Variants in RBFOX1 observed in about 807,000 individuals in gnomAD.
RBFOX1 encodes the protein RNA binding protein fox-1 homolog 1.
A neutral mutation model predicts 57.7 loss-of-function variants in RBFOX1; 8 were observed. The ratio of observed to expected loss-of-function variants is 0.14; its 90% CI spans 0.08 to 0.25. The LOEUF (loss-of-function observed/expected upper bound fraction) is 0.25. RBFOX1 is among the 10% of genes least tolerant of loss of function. RBFOX1 has a pLI of 1.00. For synonymous variants in RBFOX1, 326 were observed against 222.4 expected, an observed-to-expected ratio of 1.47 and a Z score of -4.15; for missense variants, 611 against 548.5, an observed-to-expected ratio of 1.11 and a Z score of -1.14.
intron 4 of RBFOX1, among the ~76,000 whole-genome samples, chr16:7,189,068 C>G (rs1298006116): frequency 1.3e-5 from 2 of 151,324 alleles, no homozygotes; most frequent in Non-Finnish European, 2.9e-5. Context: ...AAGGAATTCT[C>G]AATGGATAGA....
At chr16:6,552,545 C>T (rs1264123296) in intron 2 of RBFOX1, among the ~76,000 whole-genome samples, 1 of 152,174 alleles carries the variant, frequency 6.6e-6, no homozygotes, top group Non-Finnish European at 1.5e-5. Flanking sequence ...TACCTGTTAT[C>T]CCAGTGTTGT....
chr16:6,695,335 G>C (rs1450625263), intron 3 of RBFOX1, among the ~76,000 whole-genome samples: 2 of 142,534 alleles, frequency 1.4e-5, no homozygotes, highest in Non-Finnish European at 3.0e-5. Context: ...AGAATCGCTT[G>C]AACCCAACAG....
chr16:6,687,983 T>A (rs1194043942), intron 3 of RBFOX1, among the ~76,000 whole-genome samples: 1 of 152,206 alleles, frequency 6.6e-6, no homozygotes, highest in African/African-American at 2.4e-5. Flanking sequence ...ACAAAACCAC[T>A]CTTGGAAACA....
At position 7,662,658 on chromosome 16, in the gene RBFOX1, A is replaced by T. The variant is rs193126405; in HGVS notation, c.891-2271A>T. Among the ~76,000 whole-genome samples the T allele has an allele frequency of 3.9e-5, 6 of 152,318 alleles. No individual in the cohort carries two copies. In the East Asian group the frequency reaches 1.2e-3, roughly 29 times the overall value. ...AGGCAGAAATTGACGAGTGGCTCTGATAAGAGTCTGAAAAATGATGCTGGT... is the reference window on the plus strand; with the variant it reads ...AGGCAGAAATTGACGAGTGGCTCTGTTAAGAGTCTGAAAAATGATGCTGGT... On this transcript the variant is annotated intron_variant, in intron 12 of 15. Coordinates refer to ENST00000550418, the MANE Select transcript of RBFOX1 (RefSeq NM_018723.4).
intron 4 of RBFOX1, among the ~76,000 whole-genome samples, chr16:5,938,987 G>A (rs938846404): frequency 2.0e-5 from 3 of 152,008 alleles, no homozygotes; most frequent in Non-Finnish European, 4.4e-5. Flanking sequence ...GCAAACTATC[G>A]CAAGGACAAA....
At chr16:7,688,260 T>TGTGTGTGAGAGAGAGAGAGA (rs1319185243) in intron 14 of RBFOX1, among the ~76,000 whole-genome samples, 15 of 125,294 alleles carry the variant, frequency 1.2e-4, no homozygotes, top group African/African-American at 4.2e-4. Flanking sequence ...TGTGTGTGTG[T>TGTGTGTGAGAGAGAGAGAGA]GAGAGAGAGA....
Position 5,403,298 on chromosome 16 carries a change from C to T in RBFOX1, c.220-63918C>T, listed in dbSNP as rs867959196. Reference sequence around the variant, plus strand: ...CTGGGAGGTGGAGTTTGCGGTGTGCCGAGATCGTGCCATTGCACTCCAGTC... The same window carrying T: ...CTGGGAGGTGGAGTTTGCGGTGTGCTGAGATCGTGCCATTGCACTCCAGTC... On this transcript the variant is annotated intron_variant, in intron 1 of 2. Transcript: ENST00000585867. Among the ~76,000 whole-genome samples, 10 of 145,788 alleles carry T rather than the reference C, an allele frequency of 6.9e-5. No individual in the cohort carries two copies. In the Middle Eastern group the frequency reaches 0.012, roughly 174 times the overall value.
chr16:6,543,036 G>T (rs1312458945), intron 2 of RBFOX1, among the ~76,000 whole-genome samples: 1 of 152,014 alleles, frequency 6.6e-6, no homozygotes, highest in South Asian at 2.1e-4. Context: ...CCACACTATC[G>T]TTTGGCAGTA....
chr16:6,986,184 T>TTTATTTATTTA (rs752491485), intron 3 of RBFOX1, among the ~76,000 whole-genome samples: 97 of 144,222 alleles, frequency 6.7e-4, no homozygotes, highest in Non-Finnish European at 8.7e-4. Context: ...CAATTTCTAT[T>TTTATTTATTTA]TTTATTTATT....
intron 1 of RBFOX1, among the ~76,000 whole-genome samples, chr16:5,428,514 C>G (rs538399658): frequency 6.6e-6 from 1 of 152,112 alleles, no homozygotes; most frequent in Admixed American, 6.6e-5. Flanking sequence ...AAAAACAAGT[C>G]ATCAGGCAAA....
rs2095789331 is a variant in RBFOX1, at chr16:7,292,015, T to A, written c.28-226132T>A. On this transcript the variant is annotated intron_variant, in intron 4 of 15. Transcript: ENST00000550418. ...ATGATGTATTATATGTATTATATAT[T>A]GTATATATTATATTATACAATTATA... Among the ~76,000 whole-genome samples, 3 of 141,114 alleles carry A rather than the reference T, an allele frequency of 2.1e-5. No individual in the cohort carries two copies. In the Admixed American group the frequency reaches 2.2e-4, roughly 10 times the overall value. 92.6% of individuals were successfully genotyped at this position (141,114 alleles called of 152,430 possible).
chr16:6,291,214 C>G (rs1026202437), intron 1 of RBFOX1, among the ~76,000 whole-genome samples: 11 of 152,248 alleles, frequency 7.2e-5, no homozygotes, highest in African/African-American at 2.6e-4. Flanking sequence ...GTGCCAACCT[C>G]TTATCTCAGC....
intron 3 of RBFOX1, among the ~76,000 whole-genome samples, chr16:6,711,717 T>G (rs1355749515): frequency 6.6e-6 from 1 of 152,184 alleles, no homozygotes; most frequent in Non-Finnish European, 1.5e-5. Context: ...TGTAGCAGTA[T>G]GAGAATGGAC....
chr16:6,875,169 A>C (rs931927413), intron 3 of RBFOX1, among the ~76,000 whole-genome samples: 8 of 152,194 alleles, frequency 5.3e-5, no homozygotes, highest in Non-Finnish European at 1.2e-4. Flanking sequence ...GTGCTTGTGC[A>C]CATAATCATC....
chr16:7,027,727 A>T (rs942810600), intron 3 of RBFOX1, among the ~76,000 whole-genome samples: 1 of 152,164 alleles, frequency 6.6e-6, no homozygotes, highest in Non-Finnish European at 1.5e-5. Flanking sequence ...TCACCAGTAA[A>T]ACAAATAGAC....
chr16:6,428,394 A>G (rs112570592), intron 2 of RBFOX1, among the ~76,000 whole-genome samples: 1,790 of 152,280 alleles, frequency 0.012, 38 homozygotes, highest in African/African-American at 0.041. Context: ...CCTTCAATAA[A>G]AGCAGTATTT....
intron 14 of RBFOX1, among the ~76,000 whole-genome samples, chr16:7,679,674 C>G (rs149288283): frequency 6.6e-6 from 1 of 152,080 alleles, no homozygotes; most frequent in Non-Finnish European, 1.5e-5. Flanking sequence ...ATATTGAACT[C>G]CAGTAACCTC....
At chr16:7,398,236 A>C (rs2098175154) in intron 4 of RBFOX1, among the ~76,000 whole-genome samples, 1 of 152,190 alleles carries the variant, frequency 6.6e-6, no homozygotes, top group African/African-American at 2.4e-5. Context: ...ACAGCTTATC[A>C]CAGTGGCAGG....
chr16:6,642,603 AAAGT>A (rs1000599298), intron 2 of RBFOX1, among the ~76,000 whole-genome samples: 81 of 152,232 alleles, frequency 5.3e-4, no homozygotes, highest in African/African-American at 1.9e-3. Flanking sequence ...CTCCAAAAAA[AAAGT>A]AAGGTGAAGA....
Sources: gnomAD v4.1 joint callset for allele counts (sites outside exome capture counted in the v4.1 genomes callset) on GRCh38, gnomAD v4.1.1 for gene constraint, MANE v1.5 for transcripts, NCBI Gene and HGNC (gene_info 2026-07-23, HGNC 2026-07-21) for gene names.